The following STX12 variants were observed in gnomAD, a reference collection of about 807,000 sequenced individuals.
STX12 encodes the protein syntaxin-12.
Under a neutral mutation model 42.2 loss-of-function variants are expected in STX12, and 17 were observed. The ratio of observed to expected loss-of-function variants is 0.40; its 90% CI spans 0.28 to 0.60. The LOEUF is 0.60. STX12 is among the 20% of genes least tolerant of loss of function. The pLI is 0.39. For missense variants in STX12, 297 were observed against 330.9 expected (o/e 0.90, Z 0.79); for synonymous variants, 108 against 116.7 (o/e 0.93, Z 0.48).
intron 1 of STX12, among the ~76,000 whole-genome samples, chr1:27,787,330 G>T (rs553902774): frequency 2.0e-5 from 3 of 152,272 alleles, no homozygotes; most frequent in Admixed American, 6.5e-5. Context: ...CAATAAGTTA[G>T]AAGATTTTTG....
intron 1 of STX12, among the ~76,000 whole-genome samples, chr1:27,789,265 G>A (rs760531530): frequency 6.6e-6 from 1 of 152,098 alleles, no homozygotes; most frequent in South Asian, 2.1e-4. Flanking sequence ...CCTTCTAAAG[G>A]TGTTGAAATT....
chr1:27,815,541 C>T (rs934226419), intron 6 of STX12, among the ~76,000 whole-genome samples: 1 of 152,148 alleles, frequency 6.6e-6, no homozygotes, highest in African/African-American at 2.4e-5. Context: ...ATTAATTCAG[C>T]CATTTCCTAT....
intron 4 of STX12, among the ~76,000 whole-genome samples, chr1:27,803,339 A>G (rs1184006701): frequency 1.3e-5 from 2 of 152,228 alleles, no homozygotes; most frequent in Non-Finnish European, 2.9e-5. Context: ...ACATTAGAAT[A>G]CCTTCAAAGA....
intron 1 of STX12, among the ~76,000 whole-genome samples, chr1:27,778,162 G>C (rs1453633649): frequency 2.0e-5 from 3 of 152,216 alleles, no homozygotes; most frequent in Admixed American, 6.5e-5. Context: ...TTCAGCCACA[G>C]ATGTGGGGTT....
At chr1:27,778,826 C>T (rs1209403242) in intron 1 of STX12, among the ~76,000 whole-genome samples, 1 of 152,008 alleles carries the variant, frequency 6.6e-6, no homozygotes, top group Non-Finnish European at 1.5e-5. Context: ...AGTGTGCAAT[C>T]GTAGTCCACT....
intron 3 of STX12, among the ~76,000 whole-genome samples, chr1:27,798,934 A>T (rs1424942303): frequency 3.3e-5 from 5 of 150,860 alleles, no homozygotes; most frequent in African/African-American, 1.2e-4. Flanking sequence ...AGCTTGGGTG[A>T]CAGAGCAAGA....
chr1:27,804,421 C>T (rs1484842417), intron 4 of STX12, among the ~76,000 whole-genome samples: 3 of 135,476 alleles, frequency 2.2e-5, no homozygotes, highest in African/African-American at 3.5e-5. Context: ...AGTGAAATTC[C>T]GTCTCAAAAA....
At chr1:27,799,305 G>C (rs1378115121) in intron 3 of STX12, among the ~76,000 whole-genome samples, 4 of 152,170 alleles carry the variant, frequency 2.6e-5, no homozygotes, top group Non-Finnish European at 5.9e-5. Flanking sequence ...TATTGAATTA[G>C]TGTTCTGTTT....
chr1:27,798,062 T>C (rs2088798728), intron 3 of STX12, among the ~76,000 whole-genome samples: 1 of 152,226 alleles, frequency 6.6e-6, no homozygotes, highest in African/African-American at 2.4e-5. Flanking sequence ...TAGGTCATTG[T>C]ATAGATAAAT....
chr1:27,790,584 C>G (rs948961101), intron 2 of STX12, among the ~76,000 whole-genome samples: 3 of 152,168 alleles, frequency 2.0e-5, no homozygotes, highest in Admixed American at 6.5e-5. Context: ...CTCACCCAAC[C>G]CAGAAGTCCA....
intron 2 of STX12, among the ~76,000 whole-genome samples, chr1:27,793,031 T>G (rs2088759623): frequency 6.6e-6 from 1 of 152,214 alleles, no homozygotes; most frequent in Admixed American, 6.5e-5. Context: ...AAGAGCCAGC[T>G]TTTTAAAGCA....
chr1:27,789,462 A>G (rs1227219053), intron 1 of STX12, 100 bp from the exon 2 acceptor site: 5 of 817,996 alleles, frequency 6.1e-6, no homozygotes, highest in Non-Finnish European at 9.6e-6. Context: ...ATGTATTAAT[A>G]CTTATTCTGA....
intron 4 of STX12, among the ~76,000 whole-genome samples, chr1:27,803,484 C>T (rs2088839535): frequency 1.3e-5 from 2 of 152,004 alleles, no homozygotes; most frequent in East Asian, 3.9e-4. Flanking sequence ...AGAATGAGGG[C>T]TAATTAAAGA....
At chr1:27,774,507 T>C (rs2088615831) in intron 1 of STX12, among the ~76,000 whole-genome samples, 2 of 152,138 alleles carry the variant, frequency 1.3e-5, no homozygotes, top group Non-Finnish European at 2.9e-5. Context: ...CACTTTGCTT[T>C]CGTTTTTAAA....
chr1:27,800,081 G>A (rs1487938941), intron 3 of STX12, among the ~76,000 whole-genome samples: 2 of 152,166 alleles, frequency 1.3e-5, no homozygotes, highest in African/African-American at 4.8e-5. Flanking sequence ...ACCTGCTGTG[G>A]TTGGCCCCTT....
intron 1 of STX12, among the ~76,000 whole-genome samples, chr1:27,782,128 G>T (rs1050233781): frequency 6.6e-6 from 1 of 152,120 alleles, no homozygotes; most frequent in Non-Finnish European, 1.5e-5. Context: ...TTGAGAAAGG[G>T]TCTTGCTCTG....
At chr1:27,815,584 G>A (rs890114260) in intron 6 of STX12, among the ~76,000 whole-genome samples, 1 of 151,906 alleles carries the variant, frequency 6.6e-6, no homozygotes, top group African/African-American at 2.4e-5. Flanking sequence ...ATTTTATTGT[G>A]CACTTATTCC....
chr1:27,818,044 G>C (rs998127754), intron 7 of STX12, 121 bp downstream of exon 7: 10 of 723,262 alleles, frequency 1.4e-5, no homozygotes, highest in Admixed American at 2.8e-5. Flanking sequence ...AGCCAACCTG[G>C]GCAACATAAT....
intron 3 of STX12, among the ~76,000 whole-genome samples, chr1:27,800,585 A>G (rs2088821302): frequency 1.3e-5 from 2 of 151,770 alleles, no homozygotes; most frequent in African/African-American, 4.8e-5. Flanking sequence ...GCTGGAGTAC[A>G]TGGCATGATT....
Sources: allele counts gnomAD v4.1 joint callset (sites outside exome capture counted in the v4.1 genomes callset), GRCh38; gene constraint gnomAD v4.1.1; transcripts MANE v1.5; gene names NCBI Gene and HGNC (gene_info 2026-07-23, HGNC 2026-07-21).